Variants in ACYP2 observed in about 807,000 individuals in gnomAD.
The protein encoded by ACYP2 is acylphosphatase 2, also known as acylphosphatase-2.
ACYP2 carries 12 observed loss-of-function variants against 11.2 expected under a neutral mutation model. The ratio of observed to expected loss-of-function variants is 1.08; its 90% confidence interval spans 0.69 to 1.74. The LOEUF (loss-of-function observed/expected upper bound fraction) is 1.74. Among genes scored for constraint, ACYP2 ranks in the 40% most tolerant of loss-of-function variants. The probability of loss-of-function intolerance (pLI) is 0.00; values close to 1 mark genes in which losing one functional copy is unlikely to be tolerated. For missense variants in ACYP2, 134 were observed against 101.9 expected, an observed-to-expected ratio of 1.31 and a Z score of -1.35; for synonymous variants, 43 against 32.2, an observed-to-expected ratio of 1.33 and a Z score of -1.13.
Position 54,129,474 on chromosome 2 carries a change from A to T in ACYP2, c.278-5979A>T, listed in dbSNP as rs1048972170. ...ATCTTTCAGGATTTCAACATTTAGG[A>T]TTATAGCATTCAAGATTATGATTGG... On this transcript the variant is annotated intron_variant, in intron 4 of 6. Coordinates refer to ENST00000607452, the MANE Select transcript of ACYP2 (RefSeq NM_001320586.2). Among the ~76,000 whole-genome samples, 37 of 151,924 alleles carry T rather than the reference A, an allele frequency of 2.4e-4. 1 individual carries two copies. The highest frequency in any genetic ancestry group is 2.9e-5 in the Non-Finnish European group (2 of 68,004).
intron 6 of ACYP2, among the ~76,000 whole-genome samples, chr2:54,218,686 G>T (rs1685660512): frequency 6.8e-6 from 1 of 146,444 alleles, no homozygotes; most frequent in Admixed American, 6.8e-5. Flanking sequence ...CAGTCTAGGG[G>T]TGGTATAGTG....
chr2:54,186,928 T>A (rs1684031545), intron 6 of ACYP2, among the ~76,000 whole-genome samples: 1 of 152,012 alleles, frequency 6.6e-6, no homozygotes, highest in Admixed American at 6.6e-5. Flanking sequence ...TAAAAAAAAA[T>A]TATGTAACCA....
chr2:54,087,692 T>C (rs1678011359), intron 4 of ACYP2, among the ~76,000 whole-genome samples: 1 of 152,184 alleles, frequency 6.6e-6, no homozygotes, highest in Non-Finnish European at 1.5e-5. Context: ...TTCTTCATTA[T>C]TGCCCCCAAC....
chr2:54,238,310 C>G (rs969467566), intron 6 of ACYP2, among the ~76,000 whole-genome samples: 2 of 152,126 alleles, frequency 1.3e-5, no homozygotes, highest in African/African-American at 4.8e-5. Flanking sequence ...GAGGAGAGAG[C>G]TTTTTCCCAC....
intron 4 of ACYP2, among the ~76,000 whole-genome samples, chr2:54,107,086 G>C (rs1228455733): frequency 6.6e-6 from 1 of 152,138 alleles, no homozygotes; most frequent in African/African-American, 2.4e-5. Context: ...CCTGAAGACT[G>C]AAAGAGTAAC....
In ACYP2 at chr2:54,266,017, A is replaced by G. The variant is rs375992516; in HGVS notation, c.405-38671A>G. 5.3e-5 allele frequency among the ~76,000 whole-genome samples: 8 copies of G among 152,360 alleles called. No individual in the cohort carries two copies. The East Asian group carries it at 1.3e-3, about 26-fold the overall frequency. The stretch of plus-strand genomic sequence containing the variant: ...ATTATGCCCATAAAAAAACCTCAAT[A>G]TATTGCAAAAAGTAGAGTGTGAGCA... On this transcript the variant is annotated intron_variant, in intron 6 of 6. Coordinates refer to ENST00000607452, the MANE Select transcript of ACYP2 (RefSeq NM_001320586.2).
At chr2:54,063,020 GGTACTACGCTA>G (rs1403846020) in intron 4 of ACYP2, among the ~76,000 whole-genome samples, 1 of 152,148 alleles carries the variant, frequency 6.6e-6, no homozygotes, top group Non-Finnish European at 1.5e-5. Context: ...CTGTGTGTCA[GGTACTACGCTA>G]GTTCCTGGGG....
At chr2:54,057,543 AG>A (rs1278703744) in intron 4 of ACYP2, among the ~76,000 whole-genome samples, 1 of 152,200 alleles carries the variant, frequency 6.6e-6, no homozygotes, top group Non-Finnish European at 1.5e-5. Flanking sequence ...TTCAATTCAA[AG>A]ATAGTTTTTT....
At chr2:54,072,509 CTCTTTCTTTCT>C (rs1343546415) in intron 4 of ACYP2, among the ~76,000 whole-genome samples, 8 of 72,962 alleles carry the variant, frequency 1.1e-4, no homozygotes, top group South Asian at 5.8e-4. Flanking sequence ...CTCTCTCTCT[CTCTTTCTTTCT>C]TCTTTCTTTC....
chr2:54,048,135 G>A (rs900385989), intron 2 of ACYP2, among the ~76,000 whole-genome samples: 1 of 152,096 alleles, frequency 6.6e-6, no homozygotes, highest in Non-Finnish European at 1.5e-5. Context: ...TGTAATAAAA[G>A]TTTTTGTAGG....
At chr2:54,034,748 C>T (rs1348455418) in intron 2 of ACYP2, among the ~76,000 whole-genome samples, 3 of 152,066 alleles carry the variant, frequency 2.0e-5, no homozygotes, top group Non-Finnish European at 4.4e-5. Context: ...CGGTGGCTCA[C>T]GCCTGTAATC....
chr2:54,163,119 T>A (rs189989534), intron 6 of ACYP2, among the ~76,000 whole-genome samples: 2 of 152,358 alleles, frequency 1.3e-5, no homozygotes, highest in East Asian at 3.9e-4. Context: ...CCTGATATTC[T>A]GCCTCTAACA....
intron 6 of ACYP2, among the ~76,000 whole-genome samples, chr2:54,265,540 G>T (rs939760665): frequency 2.0e-5 from 3 of 152,150 alleles, no homozygotes; most frequent in African/African-American, 7.2e-5. Flanking sequence ...GCAGCTGAAA[G>T]GAATACCAAG....
At chr2:54,249,448 A>G (rs2104003207) in intron 6 of ACYP2, among the ~76,000 whole-genome samples, 1 of 152,032 alleles carries the variant, frequency 6.6e-6, no homozygotes, top group South Asian at 2.1e-4. Flanking sequence ...AAAAAAAAAA[A>G]AAGAGTCCTT....
chr2:54,169,871 AT>A (rs1457311309), intron 6 of ACYP2, among the ~76,000 whole-genome samples: 1 of 152,128 alleles, frequency 6.6e-6, no homozygotes, highest in Non-Finnish European at 1.5e-5. Flanking sequence ...AGTTTTAGCG[AT>A]TTTTTTGAGT....
At chr2:54,062,215 C>T (rs1029336802) in intron 4 of ACYP2, among the ~76,000 whole-genome samples, 9 of 152,162 alleles carry the variant, frequency 5.9e-5, no homozygotes, top group Non-Finnish European at 1.0e-4. Flanking sequence ...GGCATGGGTT[C>T]TCTGGACCTG....
intron 6 of ACYP2, among the ~76,000 whole-genome samples, chr2:54,175,149 C>A (rs562024440): frequency 1.3e-5 from 2 of 152,196 alleles, no homozygotes; most frequent in East Asian, 3.9e-4. Context: ...GCTGTGAATC[C>A]GTCTGGTCCT....
intron 6 of ACYP2, among the ~76,000 whole-genome samples, chr2:54,163,352 C>G (rs1268661942): frequency 6.6e-6 from 1 of 152,144 alleles, no homozygotes; most frequent in Non-Finnish European, 1.5e-5. Context: ...TTGTAAGTGA[C>G]TCAATCATAT....
chr2:54,282,899 G>T (rs1464423408), intron 6 of ACYP2, among the ~76,000 whole-genome samples: 2 of 152,176 alleles, frequency 1.3e-5, no homozygotes, highest in African/African-American at 2.4e-5. Context: ...CTAAGAGTGG[G>T]GCTGGGAGAT....
Sources: gnomAD v4.1 joint callset for allele counts (sites outside exome capture counted in the v4.1 genomes callset) on GRCh38, gnomAD v4.1.1 for gene constraint, MANE v1.5 for transcripts, NCBI Gene and HGNC (gene_info 2026-07-23, HGNC 2026-07-21) for gene names.